ANTXR2: variants seen among roughly 807,000 people sequenced by gnomAD.
ANTXR2 encodes the protein ANTXR cell adhesion molecule 2, also known as anthrax toxin receptor 2.
Under a neutral mutation model 73.7 loss-of-function variants are expected in ANTXR2, and 44 were observed. The ratio of observed to expected loss-of-function variants is 0.60; its 90% CI spans 0.47 to 0.77. The LOEUF is 0.77. ANTXR2 is among the 30% of genes least tolerant of loss of function. The probability of loss-of-function intolerance (pLI) is 0.00; values close to 1 mark genes in which losing one functional copy is unlikely to be tolerated. For missense variants in ANTXR2, 604 were observed against 592.5 expected, an observed-to-expected ratio of 1.02 and a Z score of -0.20; for synonymous variants, 217 against 205.9, an observed-to-expected ratio of 1.05 and a Z score of -0.46.
At chr4:80,047,671 C>T (rs1642795577) in intron 7 of ANTXR2, among the ~76,000 whole-genome samples, 1 of 151,688 alleles carries the variant, frequency 6.6e-6, no homozygotes, top group Non-Finnish European at 1.5e-5. Context: ...AGACAACACC[C>T]CTCACTTTCC....
chr4:80,008,617 CT>C lies in ANTXR2; in HGVS notation c.946-2del. 6.3e-7 allele frequency: 1 copy of C among 1,586,324 alleles called. No individual in the cohort carries two copies. Among genetic ancestry groups the C allele is most frequent in the Non-Finnish European group, 8.5e-7 (1 of 1,169,714 alleles). ...CAATGATGGCTGCGATCCCGTTAGA[CT>C]AAAGTAGGCAAAAAGCAAAAACAAA... On this transcript the variant is annotated splice_acceptor_variant, in intron 11 of 16. Coordinates refer to ENST00000403729, the MANE Select transcript of ANTXR2 (RefSeq NM_058172.6). LOFTEE classifies it high-confidence loss of function.
chr4:80,000,622 A>G (rs1730983973), intron 12 of ANTXR2, among the ~76,000 whole-genome samples: 1 of 152,062 alleles, frequency 6.6e-6, no homozygotes, highest in Non-Finnish European at 1.5e-5. Flanking sequence ...TTACTTAAGC[A>G]TCACCAAAAG....
chr4:79,907,312 G>A lies in ANTXR2; in HGVS notation c.*117C>T. Reference sequence around the variant, plus strand: ...AGAGAAAACATTTCCCGACTGAGAGGAATTAAGCTGCTCTTCCAAAAGCTT... The same window carrying A: ...AGAGAAAACATTTCCCGACTGAGAGAAATTAAGCTGCTCTTCCAAAAGCTT... On this transcript the variant is annotated 3_prime_UTR_variant, in exon 17 of 17. Coordinates refer to ENST00000403729, the MANE Select transcript of ANTXR2 (RefSeq NM_058172.6). The A allele has an allele frequency of 1.8e-6, 2 of 1,087,622 alleles. No individual in the cohort carries two copies. Among genetic ancestry groups the A allele is most frequent in the South Asian group, 1.3e-5 (1 of 74,950 alleles). 67.4% of individuals were successfully genotyped at this position (1,087,622 alleles called of 1,614,324 possible). A position where few individuals can be genotyped will look rare whatever the true frequency, so the allele number is the denominator to read the frequency against.
At chr4:80,040,255 A>G (rs922104792) in intron 7 of ANTXR2, among the ~76,000 whole-genome samples, 11 of 152,056 alleles carry the variant, frequency 7.2e-5, no homozygotes, top group Non-Finnish European at 1.3e-4. Flanking sequence ...CACAACCTGC[A>G]CATGTACCTC....
rs1726721654 is a variant in ANTXR2, at chr4:79,901,933, A to G, written c.*5496T>C. ...CGACGGGGAATTGCTGTAAATACCC[A>G]TGAAGTTTCACTTGCTTTCCACTCA... On this transcript the variant is annotated 3_prime_UTR_variant, in exon 17 of 17. Transcript: ENST00000403729. 6.6e-6 allele frequency: 1 copy of G among 152,150 alleles called. No individual in the cohort carries two copies. 9.4% of individuals were successfully genotyped at this position (152,150 alleles called of 1,614,324 possible).
chr4:79,984,914 G>T, intron 12 of ANTXR2, 51 bp from the exon 13 acceptor site: 1 of 1,369,982 alleles, frequency 7.3e-7, no homozygotes, highest in Admixed American at 2.2e-5. Flanking sequence ...AGAGGAGATA[G>T]TAAGGATGTG....
chr4:79,933,077 G>C (rs1411297419), intron 16 of ANTXR2, among the ~76,000 whole-genome samples: 1 of 152,072 alleles, frequency 6.6e-6, no homozygotes, highest in East Asian at 1.9e-4. Flanking sequence ...TAGTTATAAT[G>C]GTGCCTTCCC....
At chr4:79,925,654 A>G (rs1727753724) in intron 16 of ANTXR2, among the ~76,000 whole-genome samples, 1 of 152,134 alleles carries the variant, frequency 6.6e-6, no homozygotes, top group African/African-American at 2.4e-5. Context: ...ATATCAAGAG[A>G]GTCATTCTCT....
intron 7 of ANTXR2, among the ~76,000 whole-genome samples, chr4:80,040,090 G>A (rs965524034): frequency 6.6e-6 from 1 of 151,796 alleles, no homozygotes; most frequent in African/African-American, 2.4e-5. Flanking sequence ...GTAAAGATGG[G>A]AACAGTAGAC....
chr4:79,948,783 A>G (rs981602642), intron 16 of ANTXR2, among the ~76,000 whole-genome samples: 1 of 151,968 alleles, frequency 6.6e-6, no homozygotes, highest in Non-Finnish European at 1.5e-5. Flanking sequence ...GAGGAAGGAA[A>G]GGAGGAGGAG....
At chr4:79,997,656 CA>C in intron 12 of ANTXR2, among the ~76,000 whole-genome samples, 1 of 152,034 alleles carries the variant, frequency 6.6e-6, no homozygotes, top group East Asian at 1.9e-4. Context: ...TCTTCCTCGA[CA>C]AACTCATCAA....
chr4:80,030,684 A>C (rs1732650747), intron 10 of ANTXR2, among the ~76,000 whole-genome samples: 1 of 152,138 alleles, frequency 6.6e-6, no homozygotes, highest in Non-Finnish European at 1.5e-5. Flanking sequence ...TTAAGTATCC[A>C]CAAAAGATAA....
intron 16 of ANTXR2, among the ~76,000 whole-genome samples, chr4:79,923,468 G>C (rs937768468): frequency 6.6e-6 from 1 of 152,032 alleles, no homozygotes; most frequent in East Asian, 1.9e-4. Flanking sequence ...ACTACAGGAT[G>C]CAAGTGTTCT....
chr4:80,001,328 C>T (rs1731024083), intron 12 of ANTXR2, among the ~76,000 whole-genome samples: 2 of 132,996 alleles, frequency 1.5e-5, no homozygotes, highest in Non-Finnish European at 3.2e-5. Flanking sequence ...CCCCCCACCC[C>T]ACAACAGTCC....
At chr4:80,060,349 C>A (rs764801749) in intron 3 of ANTXR2, among the ~76,000 whole-genome samples, 1 of 152,144 alleles carries the variant, frequency 6.6e-6, no homozygotes, top group Non-Finnish European at 1.5e-5. Context: ...TATTCTAATG[C>A]GCTGCCAGGA....
intron 7 of ANTXR2, among the ~76,000 whole-genome samples, chr4:80,047,617 G>C (rs4370077): frequency 0.25 from 37,137 of 151,474 alleles, 5,474 homozygotes; most frequent in East Asian, 0.74. Flanking sequence ...TGACTCAACC[G>C]AATCAATTAG....
At chr4:79,915,324 C>T (rs1472526999) in intron 16 of ANTXR2, among the ~76,000 whole-genome samples, 3 of 152,196 alleles carry the variant, frequency 2.0e-5, no homozygotes, top group East Asian at 3.9e-4. Flanking sequence ...TCACCATGGC[C>T]GGTAATAGCA....
rs149404014 is a variant in ANTXR2, at chr4:79,906,752, G to A, written c.*677C>T. The A allele has an allele frequency of 0.019, 2,847 of 152,660 alleles. 35 individuals are homozygous for A. The highest frequency in any genetic ancestry group is 0.03 in the Admixed American group (463 of 15,274). The allele number at this position is 152,660 out of a possible 1,614,324, so 9.5% of individuals were successfully genotyped here. A position where few individuals can be genotyped will look rare whatever the true frequency, so the allele number is the denominator to read the frequency against. On this transcript the variant is annotated 3_prime_UTR_variant, in exon 17 of 17. Transcript: ENST00000403729. ...TGCATAATGAAAGAAAGGTGTCTTC[G>A]AAAACTAAAGGGCAAAATCTTGCTT... is the stretch of plus-strand genomic sequence containing the variant.
intron 11 of ANTXR2, among the ~76,000 whole-genome samples, chr4:80,012,584 C>G (rs1181406796): frequency 6.6e-6 from 1 of 152,094 alleles, no homozygotes; most frequent in Non-Finnish European, 1.5e-5. Flanking sequence ...AACCCTTGTC[C>G]TATATAAATC....
Sources: allele counts gnomAD v4.1 joint callset (sites outside exome capture counted in the v4.1 genomes callset), GRCh38; gene constraint gnomAD v4.1.1; transcripts MANE v1.5; gene names NCBI Gene and HGNC (gene_info 2026-07-23, HGNC 2026-07-21).